MIER1: variants seen among roughly 807,000 people sequenced by gnomAD.
MIER1 encodes MIER1 transcriptional regulator, also known as mesoderm induction early response protein 1.
MIER1 carries 40 observed loss-of-function variants against 75.7 expected under a neutral mutation model. The ratio of observed to expected loss-of-function variants is 0.53; its 90% CI spans 0.41 to 0.69. The LOEUF is 0.69. Ranked by LOEUF, MIER1 falls within the 30% of genes least tolerant of loss-of-function variation. MIER1 has a pLI of 0.00. For synonymous variants in MIER1, 213 were observed against 223.4 expected, an observed-to-expected ratio of 0.95 and a Z score of 0.42; for missense variants, 574 against 680.2, an observed-to-expected ratio of 0.84 and a Z score of 1.74.
rs981109957 is a variant in MIER1 at position 66,963,046 on chromosome 1, G to C, written c.700-42G>C. 3.8e-6 allele frequency: 5 copies of C among 1,308,184 alleles called. No individual in the cohort carries two copies. In the East Asian group the frequency reaches 1.2e-4, roughly 31 times the overall value. 81.0% of individuals were successfully genotyped at this position (1,308,184 alleles called of 1,614,324 possible). Reference sequence around the variant, plus strand: ...AGGCTAGAAAATGGATATAAAATCTGTTACTAGATCTTACTAATGTTTTAT... The same window carrying C: ...AGGCTAGAAAATGGATATAAAATCTCTTACTAGATCTTACTAATGTTTTAT... On this transcript the variant is annotated intron_variant, in intron 7 of 13. Transcript: ENST00000401041.
At chr1:66,974,303 C>T (rs557414600) in intron 11 of MIER1, among the ~76,000 whole-genome samples, 1 of 151,988 alleles carries the variant, frequency 6.6e-6, no homozygotes, top group South Asian at 2.1e-4. Flanking sequence ...CATCTGATAA[C>T]CTCAAATATA....
intron 13 of MIER1, among the ~76,000 whole-genome samples, chr1:66,983,357 A>G (rs1361511154): frequency 6.6e-6 from 1 of 152,220 alleles, no homozygotes; most frequent in African/African-American, 2.4e-5. Context: ...ATTTGAGTGC[A>G]TTGAGTTGGT....
Position 66,925,115 on chromosome 1 carries a change from G to T in MIER1, c.67+20G>T. The stretch of plus-strand genomic sequence containing the variant: ...GCGGCTGTAAGTGCAGCCTCCACAA[G>T]CCATCTCTCCCCTTCTATTCCAGTT... On this transcript the variant is annotated intron_variant, in intron 1 of 13. Transcript: ENST00000401041. 1 of 1,545,694 alleles carries T rather than the reference G, an allele frequency of 6.5e-7. No individual in the cohort carries two copies. Among genetic ancestry groups the T allele is most frequent in the Non-Finnish European group, 8.7e-7 (1 of 1,145,356 alleles).
At chr1:66,971,095 G>C (rs2101876336) in intron 9 of MIER1, 136 bp downstream of exon 9, 1 of 764,736 alleles carries the variant, frequency 1.3e-6, no homozygotes, top group East Asian at 3.3e-5. Context: ...TATAATCCCT[G>C]TAAGATATCC....
chr1:66,972,068 A>G, intron 10 of MIER1, among the ~76,000 whole-genome samples: 1 of 151,474 alleles, frequency 6.6e-6, no homozygotes, highest in Non-Finnish European at 1.5e-5. Flanking sequence ...CTTTACTTAA[A>G]GGTAAAAATT....
chr1:66,978,095 CTG>C (rs1019739086), intron 12 of MIER1, among the ~76,000 whole-genome samples: 49 of 151,478 alleles, frequency 3.2e-4, no homozygotes, highest in African/African-American at 1.1e-3. Context: ...ACTCGGGAGA[CTG>C]AGGCAGAAGA....
chr1:66,985,994 C>CA lies in MIER1; in HGVS notation c.*1095dup. The CA allele has an allele frequency of 1.0e-6, 1 of 988,534 alleles. No individual in the cohort carries two copies. Among genetic ancestry groups the CA allele is most frequent in the Non-Finnish European group, 1.2e-6 (1 of 832,004 alleles). 61.2% of individuals were successfully genotyped at this position (988,534 alleles called of 1,614,324 possible). ...AAGTGCTTAAATATATCATGCTGAC[C>CA]AGAATCCTGTTATTTTTATATGCAT... On this transcript the variant is annotated 3_prime_UTR_variant, in exon 14 of 14. Transcript: ENST00000401041.
intron 2 of MIER1, chr1:66,932,824 A>G (rs1291147298): frequency 1.3e-5 from 2 of 152,078 alleles, no homozygotes; most frequent in Non-Finnish European, 2.9e-5. Context: ...AGAAAAATGT[A>G]GGTATTATGC....
Position 66,988,238 on chromosome 1 carries a change from C to G in MIER1, c.*3338C>G, listed in dbSNP as rs1282021547. 6.6e-6 allele frequency: 1 copy of G among 152,262 alleles called. No homozygotes were observed. Among genetic ancestry groups the G allele is most frequent in the Non-Finnish European group, 1.5e-5 (1 of 68,010 alleles). 9.4% of individuals were successfully genotyped at this position (152,262 alleles called of 1,614,324 possible). On this transcript the variant is annotated 3_prime_UTR_variant, in exon 14 of 14. Coordinates refer to ENST00000401041, the MANE Select transcript of MIER1 (RefSeq NM_001077700.3). ...AGAACAGGAGTTTCCAAATTTTAAC[C>G]TTTTATTCTAAAAATGACTCTCTTC...
At chr1:66,935,108 T>A (rs1654455475) in intron 2 of MIER1, among the ~76,000 whole-genome samples, 1 of 152,222 alleles carries the variant, frequency 6.6e-6, no homozygotes, top group African/African-American at 2.4e-5. Context: ...GTTTTTACTA[T>A]GTTGTTGTTA....
rs746841963 is a variant in MIER1 at position 66,986,769 on chromosome 1, C to G, written c.*1869C>G. 2 of 265,182 alleles carry G rather than the reference C, an allele frequency of 7.5e-6. No individual in the cohort carries two copies. The highest frequency in any genetic ancestry group is 2.2e-5 in the African/African-American group (1 of 45,286). The allele number at this position is 265,182 out of a possible 1,614,324, so 16.4% of individuals were successfully genotyped here. A position where few individuals can be genotyped will look rare whatever the true frequency, so the allele number is the denominator to read the frequency against. On this transcript the variant is annotated 3_prime_UTR_variant, in exon 14 of 14. Transcript: ENST00000401041. ...TGAGTTTTTTGTTGTTTTTGTTTTA[C>G]TTAAAACTTTTAATTTATCCAGAAT...
chr1:66,941,492 A>AT (rs1188521181), intron 3 of MIER1, among the ~76,000 whole-genome samples: 2 of 152,058 alleles, frequency 1.3e-5, no homozygotes, highest in African/African-American at 4.8e-5. Context: ...TTCTTATAGT[A>AT]TTGTGATATT....
intron 3 of MIER1, among the ~76,000 whole-genome samples, chr1:66,945,237 C>A (rs1657221172): frequency 7.1e-6 from 1 of 141,078 alleles, no homozygotes; most frequent in African/African-American, 2.6e-5. Context: ...ATGCACATTT[C>A]TCTTATATGC....
At position 66,985,814 on chromosome 1, in the gene MIER1, ATTTTTT is replaced by A. The variant is rs150870135; in HGVS notation, c.*932_*937del. ...TAAAGCATTCATAAAGGATTATAAA[ATTTTTT>A]TTTTTTTTTTTTTTTTTAAATTTCT... On this transcript the variant is annotated 3_prime_UTR_variant, in exon 14 of 14. Transcript: ENST00000401041. 1.8e-4 allele frequency: 113 copies of A among 629,716 alleles called. No individual in the cohort carries two copies. The highest frequency in any genetic ancestry group is 1.9e-4 in the Non-Finnish European group (99 of 517,220). 39.0% of individuals were successfully genotyped at this position (629,716 alleles called of 1,614,324 possible).
chr1:66,925,882 A>G (rs749157972), intron 1 of MIER1, among the ~76,000 whole-genome samples: 4 of 152,246 alleles, frequency 2.6e-5, no homozygotes, highest in Non-Finnish European at 5.9e-5. Context: ...AGGCCGCTTC[A>G]CCAAGATGAC....
At chr1:66,941,454 T>A (rs1218259967) in intron 3 of MIER1, among the ~76,000 whole-genome samples, 1 of 152,194 alleles carries the variant, frequency 6.6e-6, no homozygotes, top group Non-Finnish European at 1.5e-5. Context: ...CAGAAATTGT[T>A]TTCATAGAAA....
intron 11 of MIER1, 61 bp downstream of exon 11, chr1:66,973,052 T>G: frequency 1.2e-6 from 1 of 866,750 alleles, no homozygotes; most frequent in Non-Finnish European, 1.9e-6. Flanking sequence ...CAAATGGTCA[T>G]GTATCGTAAT....
intron 12 of MIER1, among the ~76,000 whole-genome samples, chr1:66,979,778 T>A (rs1032270084): frequency 3.3e-5 from 5 of 151,628 alleles, no homozygotes; most frequent in Non-Finnish European, 5.9e-5. Context: ...TTTTTTTTTT[T>A]AAAGACGGAG....
At chr1:66,929,117 ATAATT>A (rs1392587136) in intron 2 of MIER1, 8 of 658,906 alleles carry the variant, frequency 1.2e-5, no homozygotes, top group East Asian at 8.2e-5. Context: ...GGGAATATAA[ATAATT>A]TAATAGCCTC....
Sources: allele counts gnomAD v4.1 joint callset (sites outside exome capture counted in the v4.1 genomes callset), GRCh38; gene constraint gnomAD v4.1.1; transcripts MANE v1.5; gene names NCBI Gene and HGNC (gene_info 2026-07-23, HGNC 2026-07-21).